The following THADA variants were observed in gnomAD, a reference collection of about 807,000 sequenced individuals.
The protein encoded by THADA is tRNA (32-2'-O)-methyltransferase regulator THADA.
A neutral mutation model predicts 219.8 loss-of-function variants in THADA; 213 were observed. That is an observed-to-expected ratio of 0.97 (90% CI 0.87 to 1.09). The LOEUF is 1.09. THADA is among the 50% of genes least tolerant of loss of function. The pLI, the probability that THADA is intolerant of heterozygous loss-of-function variation, is 0.00. For synonymous variants in THADA, 1,018 were observed against 828.9 expected, an observed-to-expected ratio of 1.23 and a Z score of -3.92; for missense variants, 2,956 against 2,311.3, an observed-to-expected ratio of 1.28 and a Z score of -5.72.
chr2:43,355,977 T>A (rs1668828823), intron 29 of THADA, among the ~76,000 whole-genome samples: 1 of 152,162 alleles, frequency 6.6e-6, no homozygotes, highest in Admixed American at 6.5e-5. Flanking sequence ...AATAGCTTAG[T>A]GTATAGGACA....
intron 29 of THADA, among the ~76,000 whole-genome samples, chr2:43,372,720 T>C (rs551875845): frequency 1.7e-4 from 26 of 152,362 alleles, no homozygotes; most frequent in African/African-American, 5.8e-4. Context: ...TCGACTTCCA[T>C]TGTGACAAGT....
chr2:43,511,839 G>A (rs1180776764), intron 22 of THADA, among the ~76,000 whole-genome samples: 1 of 152,176 alleles, frequency 6.6e-6, no homozygotes, highest in Non-Finnish European at 1.5e-5. Flanking sequence ...CAGTGTCATG[G>A]AAGGGCTGGA....
chr2:43,531,278 A>G (rs1477287374), intron 21 of THADA, among the ~76,000 whole-genome samples: 1 of 152,218 alleles, frequency 6.6e-6, no homozygotes, highest in African/African-American at 2.4e-5. Context: ...GACCAAAATG[A>G]AAGAGGGTAA....
At chr2:43,587,140 C>CCT in intron 4 of THADA, 138 bp from the exon 5 acceptor site, 1 of 872,544 alleles carries the variant, frequency 1.1e-6, no homozygotes. Context: ...CTACACACTA[C>CCT]CATCACTCGA....
intron 28 of THADA, among the ~76,000 whole-genome samples, chr2:43,426,964 T>C (rs1374062179): frequency 6.6e-6 from 1 of 152,074 alleles, no homozygotes; most frequent in Non-Finnish European, 1.5e-5. Flanking sequence ...AGGCCTTTGA[T>C]CCAAAATGAA....
At chr2:43,523,414 T>C (rs1280706649) in intron 22 of THADA, among the ~76,000 whole-genome samples, 1 of 152,216 alleles carries the variant, frequency 6.6e-6, no homozygotes, top group African/African-American at 2.4e-5. Flanking sequence ...TTGTATATTC[T>C]TTCATTCAAA....
intron 26 of THADA, among the ~76,000 whole-genome samples, chr2:43,433,434 C>T (rs1291462609): frequency 6.6e-6 from 1 of 151,880 alleles, no homozygotes; most frequent in East Asian, 2.0e-4. Context: ...GAGGCTGAGG[C>T]AGGAGAATCA....
At chr2:43,494,458 C>G (rs908709583) in intron 25 of THADA, among the ~76,000 whole-genome samples, 1 of 152,090 alleles carries the variant, frequency 6.6e-6, no homozygotes, top group African/African-American at 2.4e-5. Flanking sequence ...TAAAATGTAC[C>G]TTCTTTGTAT....
chr2:43,327,543 T>A (rs549320252), intron 30 of THADA, among the ~76,000 whole-genome samples: 6 of 152,116 alleles, frequency 3.9e-5, no homozygotes, highest in Non-Finnish European at 7.3e-5. Flanking sequence ...GTCTACAACA[T>A]GTTTCCACAT....
At chr2:43,331,740 C>T (rs142548003) in intron 30 of THADA, among the ~76,000 whole-genome samples, 343 of 152,244 alleles carry the variant, frequency 2.3e-3, no homozygotes, top group African/African-American at 7.9e-3. Flanking sequence ...TCTGCTCTAC[C>T]GCCCATCTCA....
At chr2:43,593,288 C>G (rs956392682) in intron 1 of THADA, among the ~76,000 whole-genome samples, 1 of 152,078 alleles carries the variant, frequency 6.6e-6, no homozygotes, top group Non-Finnish European at 1.5e-5. Flanking sequence ...GAAAAAAACA[C>G]AGAAAGAGAG....
rs72865279 is a variant in THADA, at chr2:43,508,031, G to T, written c.3507+617C>A. ...AGAGGTTCGGGAGTCAGGCTGCCTG[G>T]GCTCAAGTCTTAACTCAGTTCTTAC... On this transcript the variant is annotated intron_variant, in intron 23 of 37. Transcript: ENST00000405975. Among the ~76,000 whole-genome samples, 1,086 of 152,068 alleles carry T rather than the reference G, an allele frequency of 7.1e-3. 16 individuals carry two copies. Among genetic ancestry groups the T allele is most frequent in the African/African-American group, 0.025 (1,036 of 41,474 alleles).
chr2:43,231,429 C>G, intron 37 of THADA, 86 bp from the exon 38 acceptor site: 1 of 1,370,724 alleles, frequency 7.3e-7, no homozygotes, highest in Admixed American at 3.1e-5. Flanking sequence ...CTGCCAGATG[C>G]AAGAGGGGTT....
At chr2:43,360,747 G>A (rs1354890751) in intron 29 of THADA, among the ~76,000 whole-genome samples, 1 of 152,140 alleles carries the variant, frequency 6.6e-6, no homozygotes, top group Non-Finnish European at 1.5e-5. Context: ...TATATTGCTG[G>A]AAGGCTATGA....
intron 22 of THADA, among the ~76,000 whole-genome samples, chr2:43,516,336 G>A (rs1158672772): frequency 2.0e-5 from 3 of 152,044 alleles, no homozygotes; most frequent in Non-Finnish European, 4.4e-5. Flanking sequence ...CAATGTCTTA[G>A]GCTGTCTAGT....
chr2:43,313,724 G>A (rs1264399070), intron 31 of THADA, among the ~76,000 whole-genome samples: 4 of 152,220 alleles, frequency 2.6e-5, no homozygotes, highest in Admixed American at 2.6e-4. Context: ...CCTGAAAAGG[G>A]GGTCCCTTCT....
Position 43,514,999 on chromosome 2 carries a change from AATATT to A in THADA, c.3375-6224_3375-6220del, listed in dbSNP as rs1558889841. ...ATATAACATTTTATATATAATATAT[AATATT>A]ATATATATTATATATTTTATATATA... On this transcript the variant is annotated intron_variant, in intron 22 of 37. Coordinates refer to ENST00000405975, the MANE Select transcript of THADA (RefSeq NM_022065.5). Among the ~76,000 whole-genome samples, 2 of 47,456 alleles carry A rather than the reference AATATT, an allele frequency of 4.2e-5. 1 individual carries two copies. The highest frequency in any genetic ancestry group is 6.7e-5 in the Non-Finnish European group (2 of 29,704). The allele number at this position is 47,456 out of a possible 152,430, so 31.1% of individuals were successfully genotyped here. A position where few individuals can be genotyped will look rare whatever the true frequency, so the allele number is the denominator to read the frequency against.
intron 36 of THADA, among the ~76,000 whole-genome samples, chr2:43,260,141 A>C (rs1008928704): frequency 1.1e-4 from 16 of 152,058 alleles, no homozygotes; most frequent in African/African-American, 3.4e-4. Flanking sequence ...CCGCCACCAC[A>C]TCCAGCTGGT....
intron 29 of THADA, among the ~76,000 whole-genome samples, chr2:43,368,788 T>G (rs1319848459): frequency 6.6e-6 from 1 of 152,116 alleles, no homozygotes; most frequent in East Asian, 1.9e-4. Context: ...ACTCACCACC[T>G]CAACTCAAAC....
Sources: gnomAD v4.1 joint callset for allele counts (sites outside exome capture counted in the v4.1 genomes callset) on GRCh38, gnomAD v4.1.1 for gene constraint, MANE v1.5 for transcripts, NCBI Gene and HGNC (gene_info 2026-07-23, HGNC 2026-07-21) for gene names.